CLUAP1: variants seen among roughly 807,000 people sequenced by gnomAD.
CLUAP1 encodes the protein intraflagellar transport 38.
CLUAP1 carries 50 observed loss-of-function variants against 55.0 expected under a neutral mutation model. The ratio of observed to expected loss-of-function variants is 0.91; its 90% CI spans 0.72 to 1.15. The LOEUF (loss-of-function observed/expected upper bound fraction) is 1.15, where lower values mean the gene tolerates loss of function less well. Ranked by LOEUF, CLUAP1 falls within the 50% of genes most tolerant of loss-of-function variation. The probability of loss-of-function intolerance (pLI) is 0.00; values close to 1 mark genes in which losing one functional copy is unlikely to be tolerated. For missense variants in CLUAP1, 530 were observed against 507.6 expected (o/e 1.04, Z -0.42); for synonymous variants, 195 against 175.4 (o/e 1.11, Z -0.88).
At chr16:3,530,752 G>A in intron 10 of CLUAP1, 77 bp downstream of exon 10, 1 of 1,142,204 alleles carries the variant, frequency 8.8e-7, no homozygotes, top group South Asian at 1.3e-5. Flanking sequence ...GGGGCAGGCT[G>A]CTTAGTATTG....
At chr16:3,531,762 G>C (rs1036050193) in intron 10 of CLUAP1, among the ~76,000 whole-genome samples, 3 of 151,896 alleles carry the variant, frequency 2.0e-5, no homozygotes, top group African/African-American at 7.3e-5. Flanking sequence ...CGGTATGTAT[G>C]GTTCTGCAAC....
upstream of CLUAP1, chr16:3,500,867 G>C (rs555213050): frequency 4.2e-5 from 25 of 592,828 alleles, no homozygotes; most frequent in South Asian, 4.0e-4. Flanking sequence ...CTCTGCCCTC[G>C]GCGTCTCAGG....
upstream of CLUAP1, chr16:3,496,300 C>A (rs933646934): frequency 3.4e-5 from 31 of 908,850 alleles, no homozygotes; most frequent in African/African-American, 4.5e-4. Context: ...TCAAGCTGTA[C>A]AGGTTACCGT....
chr16:3,512,376 C>G lies in CLUAP1; in HGVS notation c.400-7C>G. 6.2e-7 allele frequency: 1 copy of G among 1,611,350 alleles called. No homozygotes were observed. The highest frequency in any genetic ancestry group is 8.5e-7 in the Non-Finnish European group (1 of 1,177,648). On this transcript the variant is annotated splice_polypyrimidine_tract_variant and splice_region_variant and intron_variant, in intron 4 of 11. Transcript: ENST00000576634. ...TGAGGTTTCTGTTTTTGTTATTTTC[C>G]TTCCAGATTGCAGATTTGAAGGCAG...
intron 1 of CLUAP1, 80 bp downstream of exon 1, chr16:3,501,169 C>A: frequency 7.0e-7 from 1 of 1,420,936 alleles, no homozygotes; most frequent in Non-Finnish European, 9.6e-7. Flanking sequence ...CCTGTGTAGG[C>A]GATCCCTGAG....
intron 3 of CLUAP1, 26 bp from the exon 4 acceptor site, chr16:3,508,263 T>G: frequency 4.5e-6 from 1 of 223,266 alleles, no homozygotes; most frequent in Non-Finnish European, 7.9e-6. Context: ...GGCCTTCAAC[T>G]TTTTTTTTTT....
At chr16:3,531,019 C>T (rs2038105193) in intron 10 of CLUAP1, among the ~76,000 whole-genome samples, 1 of 152,178 alleles carries the variant, frequency 6.6e-6, no homozygotes, top group Admixed American at 6.5e-5. Context: ...AGCATCTCTG[C>T]CTTAAAAAAA....
At position 3,538,356 on chromosome 16, in the gene CLUAP1, G is replaced by A. The variant is rs909013802; in HGVS notation, c.*2085G>A. ...CAGCCAGTATTCAGTGAATTCACCAGTAATTTGAAATGCACCATATTGTAA... is the reference window on the plus strand; with the variant it reads ...CAGCCAGTATTCAGTGAATTCACCAATAATTTGAAATGCACCATATTGTAA... On this transcript the variant is annotated 3_prime_UTR_variant, in exon 12 of 12. Coordinates refer to ENST00000576634, the MANE Select transcript of CLUAP1 (RefSeq NM_015041.3). The A allele has an allele frequency of 6.6e-6, 1 of 150,818 alleles. No individual in the cohort carries two copies. Among genetic ancestry groups the A allele is most frequent in the Non-Finnish European group, 1.5e-5 (1 of 67,836 alleles). 9.3% of individuals were successfully genotyped at this position (150,818 alleles called of 1,614,324 possible). A position where few individuals can be genotyped will look rare whatever the true frequency, so the allele number is the denominator to read the frequency against.
Position 3,501,060 on chromosome 16 carries a change from T to C in CLUAP1, c.-8T>C, listed in dbSNP as rs1333263883. On this transcript the variant is annotated 5_prime_UTR_variant, in exon 1 of 12. Transcript: ENST00000576634. ...TTGCGACCCTGGGCTCCTGGGGACC[T>C]GAGCGTTATGTCTTTCCGCGACCTC... 3.8e-6 allele frequency: 6 copies of C among 1,599,844 alleles called. No homozygotes were observed. The highest frequency in any genetic ancestry group is 2.2e-5 in the East Asian group (1 of 44,528).
intron 1 of CLUAP1, among the ~76,000 whole-genome samples, chr16:3,502,606 T>A (rs1262293685): frequency 6.6e-6 from 1 of 152,124 alleles, no homozygotes; most frequent in Non-Finnish European, 1.5e-5. Context: ...AATGTAAAAA[T>A]ATCTAGGAAG....
At chr16:3,519,109 G>A (rs936216497) in intron 6 of CLUAP1, among the ~76,000 whole-genome samples, 2 of 152,202 alleles carry the variant, frequency 1.3e-5, no homozygotes, top group East Asian at 3.9e-4. Flanking sequence ...CGGACAAGAC[G>A]CATGTGAAGA....
In CLUAP1 at chr16:3,501,078, G is replaced by C. The variant is rs1221052387; in HGVS notation, c.11G>C (p.Arg4Pro). 1 of 1,598,534 alleles carries C rather than the reference G, an allele frequency of 6.3e-7. No homozygotes were observed. Among genetic ancestry groups the C allele is most frequent in the South Asian group, 1.1e-5 (1 of 89,722 alleles). Residue 4 changes from arginine (R) to proline (P), a missense_variant, in exon 1 of 12, where the codon CGC (arginine) becomes CCC (proline). Coordinates refer to ENST00000576634, the MANE Select transcript of CLUAP1 (RefSeq NM_015041.3). MSF[R>P]DLRNFTEMMR... ...GGGGACCTGAGCGTTATGTCTTTCC[G>C]CGACCTCCGCAGTAAGGCAGCCCCG...
chr16:3,518,100 A>G (rs73503350), intron 6 of CLUAP1, among the ~76,000 whole-genome samples: 303 of 152,316 alleles, frequency 2.0e-3, no homozygotes, highest in African/African-American at 6.9e-3. Flanking sequence ...TACACGCTAA[A>G]GTATTCAGGG....
chr16:3,501,059 C>T lies in CLUAP1; in HGVS notation c.-9C>T. The T allele has an allele frequency of 6.2e-7, 1 of 1,600,090 alleles. No individual in the cohort carries two copies. ...GTTGCGACCCTGGGCTCCTGGGGAC[C>T]TGAGCGTTATGTCTTTCCGCGACCT... On this transcript the variant is annotated 5_prime_UTR_variant, in exon 1 of 12. Transcript: ENST00000576634.
intron 3 of CLUAP1, among the ~76,000 whole-genome samples, chr16:3,507,879 G>T (rs1433455685): frequency 1.3e-5 from 2 of 151,998 alleles, no homozygotes; most frequent in Non-Finnish European, 2.9e-5. Flanking sequence ...TTCTGTTTAC[G>T]CCTGAGTGGT....
At chr16:3,520,756 A>G (rs2037817848) in intron 7 of CLUAP1, among the ~76,000 whole-genome samples, 1 of 152,138 alleles carries the variant, frequency 6.6e-6, no homozygotes, top group Non-Finnish European at 1.5e-5. Flanking sequence ...AACCTTGATC[A>G]TTCCTCACCA....
intron 8 of CLUAP1, among the ~76,000 whole-genome samples, chr16:3,525,049 G>A (rs1312562603): frequency 6.6e-6 from 1 of 152,152 alleles, no homozygotes; most frequent in East Asian, 1.9e-4. Context: ...TTGTCCAGGA[G>A]GGCTAACTGG....
upstream of CLUAP1, among the ~76,000 whole-genome samples, chr16:3,499,201 T>C (rs2037342695): frequency 6.6e-6 from 1 of 152,256 alleles, no homozygotes; most frequent in African/African-American, 2.4e-5. Context: ...AAAAATTAGC[T>C]GGGCGCGGTG....
rs369800931 is a variant in CLUAP1, at chr16:3,526,516, C to T, written c.928+32C>T. ...CTGGGCTTCGTAGACGAGCAGTTTA[C>T]TCTGGACTAGTATTTTCAGCCTTGA... On this transcript the variant is annotated intron_variant, in intron 9 of 11. Transcript: ENST00000576634. 11 of 1,485,116 alleles carry T rather than the reference C, an allele frequency of 7.4e-6. No individual in the cohort carries two copies. The African/African-American group carries it at 1.4e-4, about 19-fold the overall frequency. The allele number at this position is 1,485,116 out of a possible 1,614,324, so 92.0% of individuals were successfully genotyped here.
Sources: gnomAD v4.1 joint callset for allele counts (sites outside exome capture counted in the v4.1 genomes callset) on GRCh38, gnomAD v4.1.1 for gene constraint, MANE v1.5 for transcripts, NCBI Gene and HGNC (gene_info 2026-07-23, HGNC 2026-07-21) for gene names.